SLC4A1AP: variants seen among roughly 807,000 people sequenced by gnomAD.
The protein encoded by SLC4A1AP is kanadaptin.
A neutral mutation model predicts 89.7 loss-of-function variants in SLC4A1AP; 64 were observed. The observed-to-expected ratio is 0.71, with a 90% CI of 0.58 to 0.88. The LOEUF (loss-of-function observed/expected upper bound fraction) is 0.88, where lower values mean the gene tolerates loss of function less well. SLC4A1AP is among the 40% of genes least tolerant of loss of function. The pLI, the probability that SLC4A1AP is intolerant of heterozygous loss-of-function variation, is 0.00. For synonymous variants in SLC4A1AP, 366 were observed against 353.3 expected, an observed-to-expected ratio of 1.04 and a Z score of -0.40; for missense variants, 931 against 965.0, an observed-to-expected ratio of 0.96 and a Z score of 0.47.
chr2:27,668,898 G>T, exon 4 of SLC4A1AP: 3 of 1,613,792 alleles, frequency 1.9e-6, no homozygotes, highest in Non-Finnish European at 2.5e-6. Flanking sequence ...GGCTCTGCAG[G>T]GTGAGGTATG....
intron 8 of SLC4A1AP, among the ~76,000 whole-genome samples, chr2:27,679,085 G>A (rs1336355549): frequency 6.6e-6 from 1 of 152,024 alleles, no homozygotes; most frequent in East Asian, 1.9e-4. Context: ...TGATGAGGCT[G>A]ACAAAAAGGC....
chr2:27,674,117 C>T (rs1675476400), intron 5 of SLC4A1AP, among the ~76,000 whole-genome samples: 2 of 151,864 alleles, frequency 1.3e-5, no homozygotes, highest in African/African-American at 4.8e-5. Context: ...TGCTTACAGC[C>T]CTGAACTTAA....
chr2:27,677,953 A>C (rs769162967), intron 8 of SLC4A1AP, 29 bp downstream of exon 8: 9 of 1,427,562 alleles, frequency 6.3e-6, no homozygotes, highest in Middle Eastern at 1.8e-4. Context: ...TGGAATTCTA[A>C]ATAAGTATGG....
chr2:27,674,536 T>G (rs957332652), intron 5 of SLC4A1AP, among the ~76,000 whole-genome samples: 3 of 152,170 alleles, frequency 2.0e-5, no homozygotes, highest in Non-Finnish European at 4.4e-5. Context: ...TATGTTTTTC[T>G]AGTCTAATAG....
At position 27,677,725 on chromosome 2, in the gene SLC4A1AP, T is replaced by A; in HGVS notation, c.1577-13T>A. ...TCATCTTTCTAAACATGTGTTATTC[T>A]TTTCTTGGACAGTTCTATCAGAGTC... On this transcript the variant is annotated splice_polypyrimidine_tract_variant and intron_variant, in intron 7 of 13. Transcript: ENST00000613058. 1 of 1,567,292 alleles carries A rather than the reference T, an allele frequency of 6.4e-7. No individual in the cohort carries two copies. Among genetic ancestry groups the A allele is most frequent in the Non-Finnish European group, 8.6e-7 (1 of 1,162,058 alleles).
chr2:27,664,509 A>G (rs761378474), exon 1 of SLC4A1AP: 2 of 1,614,126 alleles, frequency 1.2e-6, no homozygotes, highest in Non-Finnish European at 1.7e-6. Context: ...CCCACCTCGC[A>G]CCTACTGTCG....
chr2:27,693,083 C>T (rs1675813397), intron 12 of SLC4A1AP: 1 of 150,730 alleles, frequency 6.6e-6, no homozygotes, highest in Non-Finnish European at 1.5e-5. Context: ...ACTACAGGCA[C>T]ACACCACCAC....
At position 27,667,746 on chromosome 2, in the gene SLC4A1AP, A is replaced by C. The variant is rs1281644303; in HGVS notation, c.1144+356A>C. ...ATTCCGAATTCACCTGATCTTTTGT[A>C]ATTCCTAACATAGGTTTTGATTTTA... On this transcript the variant is annotated intron_variant, in intron 3 of 13. Coordinates refer to ENST00000613058, the Ensembl canonical transcript of SLC4A1AP. 2.0e-5 allele frequency among the ~76,000 whole-genome samples: 3 copies of C among 152,068 alleles called. No homozygotes were observed. The South Asian group carries it at 6.2e-4, about 31-fold the overall frequency.
chr2:27,666,372 A>ACCCCCCCCC (rs1675323435), intron 2 of SLC4A1AP, among the ~76,000 whole-genome samples: 1 of 3,386 alleles, frequency 3.0e-4, no homozygotes, highest in Non-Finnish European at 9.7e-4. Flanking sequence ...CCCCCCCCCC[A>ACCCCCCCCC]CCCCGCCCCC....
intron 9 of SLC4A1AP, among the ~76,000 whole-genome samples, chr2:27,684,010 G>A (rs1042805985): frequency 6.6e-6 from 1 of 152,072 alleles, no homozygotes; most frequent in African/African-American, 2.4e-5. Flanking sequence ...TATTCTGAAT[G>A]AGTAATGGTT....
intron 1 of SLC4A1AP, 45 bp from the exon 2 acceptor site, chr2:27,665,055 C>T (rs1675287386): frequency 2.6e-6 from 4 of 1,512,982 alleles, no homozygotes; most frequent in Non-Finnish European, 3.6e-6. Flanking sequence ...GAGCAAGACC[C>T]TGTCTCTAAA....
At chr2:27,665,038 G>GAGT in intron 1 of SLC4A1AP, 62 bp from the exon 2 acceptor site, 1 of 1,391,064 alleles carries the variant, frequency 7.2e-7, no homozygotes, top group South Asian at 1.3e-5. Context: ...GTCCAGCCTA[G>GAGT]GCGACAGAGC....
At chr2:27,664,133 T>C in exon 1 of SLC4A1AP, 1 of 1,614,160 alleles carries the variant, frequency 6.2e-7, no homozygotes, top group African/African-American at 1.3e-5. Flanking sequence ...ACTGCGGTGA[T>C]TTTAGGAGTC....
At chr2:27,664,500 C>T in exon 1 of SLC4A1AP, 2 of 1,614,196 alleles carry the variant, frequency 1.2e-6, no homozygotes, top group Non-Finnish European at 1.7e-6. Context: ...AACTCGCATC[C>T]CACCTCGCAC....
intron 5 of SLC4A1AP, among the ~76,000 whole-genome samples, chr2:27,673,584 C>T (rs1675466983): frequency 6.6e-6 from 1 of 151,882 alleles, no homozygotes; most frequent in African/African-American, 2.4e-5. Flanking sequence ...CCGCCTCAGC[C>T]TCCTAAGTAG....
intron 12 of SLC4A1AP, chr2:27,692,443 G>A (rs1675803134): frequency 6.6e-6 from 1 of 152,172 alleles, no homozygotes; most frequent in Non-Finnish European, 1.5e-5. Context: ...AATATTTCAG[G>A]CACTGATGAG....
chr2:27,667,275 T>C lies in SLC4A1AP; in HGVS notation c.1029T>C (p.Asp343=), dbSNP rs765406784. Reference sequence around the variant, plus strand: ...CTTTTCCATATCCTGTAGGAGAAGATGCAGTAGAGGATGATGCTGAAGAGA... The same window carrying C: ...CTTTTCCATATCCTGTAGGAGAAGACGCAGTAGAGGATGATGCTGAAGAGA... Residue 343 remains aspartate (D), a synonymous_variant, in exon 3 of 14, where the codon GAT becomes GAC. Coordinates refer to ENST00000613058, the Ensembl canonical transcript of SLC4A1AP. The C allele has an allele frequency of 5.0e-6, 8 of 1,610,736 alleles. No homozygotes were observed. In the African/African-American group the frequency reaches 9.4e-5, roughly 19 times the overall value.
In SLC4A1AP at chr2:27,694,294, T is replaced by G. The variant is rs1415926538; in HGVS notation, c.2342-340T>G. On this transcript the variant is annotated intron_variant, in intron 13 of 13. Transcript: ENST00000613058. ...ATTTTAAAGATATTATAAATTGCAT[T>G]CTATAGAGATTGTACCAGTTTTATG... Among the ~76,000 whole-genome samples, 6 of 152,274 alleles carry G rather than the reference T, an allele frequency of 3.9e-5. No homozygotes were observed. The South Asian group carries it at 8.3e-4, about 21-fold the overall frequency.
chr2:27,694,396 A>G (rs1675840320), intron 13 of SLC4A1AP, among the ~76,000 whole-genome samples: 1 of 152,164 alleles, frequency 6.6e-6, no homozygotes, highest in Non-Finnish European at 1.5e-5. Flanking sequence ...GATTTCTAAT[A>G]TATTAGTAAC....
Sources: allele counts gnomAD v4.1 joint callset (sites outside exome capture counted in the v4.1 genomes callset), GRCh38; gene constraint gnomAD v4.1.1; transcripts MANE v1.5; gene names NCBI Gene and HGNC (gene_info 2026-07-23, HGNC 2026-07-21).